Variants in ADAMTSL1 observed in about 807,000 individuals in gnomAD.
ADAMTSL1 encodes ADAMTS-like protein 1.
Under a neutral mutation model 201.8 loss-of-function variants are expected in ADAMTSL1, and 126 were observed. The observed-to-expected ratio is 0.62, with a 90% CI of 0.54 to 0.72. The LOEUF is 0.72. ADAMTSL1 is among the 30% of genes least tolerant of loss of function. ADAMTSL1 has a pLI of 0.00. For missense variants in ADAMTSL1, 2,679 were observed against 2,277.8 expected, an observed-to-expected ratio of 1.18 and a Z score of -3.59; for synonymous variants, 1,121 against 903.4, an observed-to-expected ratio of 1.24 and a Z score of -4.32.
intron 23 of ADAMTSL1, among the ~76,000 whole-genome samples, chr9:18,853,659 A>G (rs957494158): frequency 2.6e-5 from 4 of 152,190 alleles, no homozygotes; most frequent in Non-Finnish European, 4.4e-5. Context: ...TATAAACTAC[A>G]TGTCTCCCAA....
intron 1 of ADAMTSL1, among the ~76,000 whole-genome samples, chr9:17,940,196 G>A (rs375153276): frequency 6.6e-6 from 1 of 152,114 alleles, no homozygotes; most frequent in Non-Finnish European, 1.5e-5. Context: ...ATGTGTGTTT[G>A]TGTTTTAGCA....
At chr9:18,718,290 A>G in intron 14 of ADAMTSL1, 1 of 750,228 alleles carries the variant, frequency 1.3e-6, no homozygotes, top group South Asian at 1.4e-5. Flanking sequence ...GGAATAAACT[A>G]ATGCAAAGCC....
At chr9:18,066,591 A>G (rs1266037485) in intron 1 of ADAMTSL1, among the ~76,000 whole-genome samples, 3 of 152,148 alleles carry the variant, frequency 2.0e-5, no homozygotes, top group Non-Finnish European at 4.4e-5. Context: ...TGCTATTCTC[A>G]TTTAGGTATG....
chr9:18,079,580 G>A (rs553381688), intron 1 of ADAMTSL1, among the ~76,000 whole-genome samples: 2 of 152,060 alleles, frequency 1.3e-5, no homozygotes, highest in African/African-American at 4.8e-5. Context: ...TACTTGGGAG[G>A]CTGAGGCAGG....
At chr9:18,054,458 G>C (rs1822081546) in intron 1 of ADAMTSL1, among the ~76,000 whole-genome samples, 1 of 152,294 alleles carries the variant, frequency 6.6e-6, no homozygotes, top group East Asian at 1.9e-4. Context: ...TTCAAAGTTT[G>C]GCCCAGTTTC....
intron 2 of ADAMTSL1, among the ~76,000 whole-genome samples, chr9:18,422,113 C>T (rs1216082916): frequency 1.3e-5 from 2 of 152,136 alleles, no homozygotes; most frequent in Non-Finnish European, 2.9e-5. Context: ...TCCCTGGTCT[C>T]CTATAAAATC....
At chr9:18,143,431 G>A (rs1826489240) in intron 1 of ADAMTSL1, among the ~76,000 whole-genome samples, 1 of 152,172 alleles carries the variant, frequency 6.6e-6, no homozygotes, top group African/African-American at 2.4e-5. Flanking sequence ...TTTTATGGCA[G>A]TTGGGGGTAA....
At chr9:18,390,379 G>A (rs981870273) in intron 2 of ADAMTSL1, among the ~76,000 whole-genome samples, 2 of 152,054 alleles carry the variant, frequency 1.3e-5, no homozygotes, top group African/African-American at 2.4e-5. Flanking sequence ...GTGTTTTCTG[G>A]GCAGACAAGT....
chr9:18,838,353 A>ACC (rs1825453721), intron 23 of ADAMTSL1, among the ~76,000 whole-genome samples: 2 of 139,956 alleles, frequency 1.4e-5, no homozygotes, highest in African/African-American at 2.9e-5. Context: ...ACACAGCCAA[A>ACC]CCATATTACA....
intron 1 of ADAMTSL1, among the ~76,000 whole-genome samples, chr9:18,065,865 C>A (rs1285296611): frequency 1.3e-5 from 2 of 151,648 alleles, no homozygotes; most frequent in African/African-American, 2.4e-5. Context: ...CCTGTAATCC[C>A]AGCTATTCAG....
chr9:18,711,272 T>C (rs1832572022), intron 14 of ADAMTSL1, among the ~76,000 whole-genome samples: 1 of 152,250 alleles, frequency 6.6e-6, no homozygotes, highest in Non-Finnish European at 1.5e-5. Flanking sequence ...ACAGCTCCGA[T>C]CTACAGCTCC....
At position 18,271,202 on chromosome 9, in the gene ADAMTSL1, T is replaced by G. The variant is rs1170855581; in HGVS notation, c.207+107221T>G. Among the ~76,000 whole-genome samples the G allele has an allele frequency of 2.0e-5, 3 of 152,192 alleles. No homozygotes were observed. The East Asian group carries it at 5.8e-4, about 29-fold the overall frequency. ...TTATATACATATATATTTATTATAC[T>G]TTAAGTTCTAGGGTACATGTGCACA... On this transcript the variant is annotated intron_variant, in intron 2 of 29. Coordinates refer to the ADAMTSL1 transcript ENST00000680146.
chr9:18,182,911 T>A (rs1828565331), intron 2 of ADAMTSL1, among the ~76,000 whole-genome samples: 1 of 152,198 alleles, frequency 6.6e-6, no homozygotes, highest in South Asian at 2.1e-4. Context: ...GACTCTCATT[T>A]ACAAGTAAGG....
chr9:17,946,111 T>TAC (rs1158070015), intron 1 of ADAMTSL1, among the ~76,000 whole-genome samples: 6 of 134,982 alleles, frequency 4.4e-5, no homozygotes, highest in African/African-American at 1.7e-4. Flanking sequence ...TGTGTGTGTG[T>TAC]ACAAACAGAA....
rs1449792123 is a variant in ADAMTSL1 at position 18,408,768 on chromosome 9, C to G, written c.208-96061C>G. Among the ~76,000 whole-genome samples, 6 of 152,142 alleles carry G rather than the reference C, an allele frequency of 3.9e-5. No homozygotes were observed. The East Asian group carries it at 1.2e-3, about 29-fold the overall frequency. ...TATCCACAAAGATTTCTCATTACAG[C>G]AGGCATTTATTGGACATAAAATGTT... On this transcript the variant is annotated intron_variant, in intron 2 of 29. Transcript: ENST00000680146.
intron 2 of ADAMTSL1, among the ~76,000 whole-genome samples, chr9:18,515,184 T>A (rs1818289358): frequency 6.6e-6 from 1 of 152,154 alleles, no homozygotes; most frequent in Non-Finnish European, 1.5e-5. Context: ...CTGACATCAG[T>A]AATTTTTTCA....
chr9:18,124,077 GTTTTTTTTTT>G (rs1157492042), intron 1 of ADAMTSL1, among the ~76,000 whole-genome samples: 1 of 70,834 alleles, frequency 1.4e-5, no homozygotes, highest in African/African-American at 6.0e-5. Flanking sequence ...TTATTTGCCA[GTTTTTTTTTT>G]TTTTTTTTTT....
At chr9:18,479,704 G>A (rs1359679233) in intron 1 of ADAMTSL1, among the ~76,000 whole-genome samples, 2 of 152,204 alleles carry the variant, frequency 1.3e-5, no homozygotes, top group East Asian at 1.9e-4. Flanking sequence ...AGCAGAAGGT[G>A]TGACTTGTTC....
chr9:17,957,221 C>T (rs1351297066), intron 1 of ADAMTSL1, among the ~76,000 whole-genome samples: 2 of 152,200 alleles, frequency 1.3e-5, no homozygotes, highest in Non-Finnish European at 2.9e-5. Flanking sequence ...CACGTACCCT[C>T]AGTCTGAGAA....
Sources: gnomAD v4.1 joint callset for allele counts (sites outside exome capture counted in the v4.1 genomes callset) on GRCh38, gnomAD v4.1.1 for gene constraint, MANE v1.5 for transcripts, NCBI Gene and HGNC (gene_info 2026-07-23, HGNC 2026-07-21) for gene names.